The following PEX7 variants were observed in gnomAD, a reference collection of about 807,000 sequenced individuals.
PEX7 encodes the protein peroxisomal biogenesis factor 7, also known as PTS2 receptor.
In PEX7, 34 loss-of-function variants were observed where a neutral mutation model predicts 47.5. The ratio of observed to expected loss-of-function variants is 0.72; its 90% confidence interval spans 0.54 to 0.95. The LOEUF is 0.95. Ranked by LOEUF, PEX7 falls within the 40% of genes least tolerant of loss-of-function variation. The pLI is 0.00. For missense variants in PEX7, 394 were observed against 400.3 expected, an observed-to-expected ratio of 0.98 and a Z score of 0.13; for synonymous variants, 141 against 148.8, an observed-to-expected ratio of 0.95 and a Z score of 0.38.
intron 3 of PEX7, among the ~76,000 whole-genome samples, chr6:136,835,234 T>C (rs778235286): frequency 6.6e-6 from 1 of 151,902 alleles, no homozygotes; most frequent in Admixed American, 6.6e-5. Context: ...CTTAAGTCTG[T>C]GGTTCTTAAA....
rs1017140236 is a variant in PEX7 at position 136,900,349 on chromosome 6, T to A, written c.903+2108T>A. The A allele has an allele frequency of 4.9e-6, 1 of 203,626 alleles. No homozygotes were observed. Among genetic ancestry groups the A allele is most frequent in the Non-Finnish European group, 1.0e-5 (1 of 97,112 alleles). The allele number at this position is 203,626 out of a possible 1,614,324, so 12.6% of individuals were successfully genotyped here. A position where few individuals can be genotyped will look rare whatever the true frequency, so the allele number is the denominator to read the frequency against. On this transcript the variant is annotated intron_variant, in intron 9 of 9. Transcript: ENST00000318471. The surrounding 1 kb of genome is among the most constrained non-coding windows in gnomAD (Gnocchi z 4.2). ...ATAATTTGTATTATTTTAATTATTT[T>A]TATGTACAGAAAACTCAACCGTGTA... is the stretch of plus-strand genomic sequence containing the variant.
chr6:136,905,694 A>T (rs1775834632), intron 9 of PEX7, among the ~76,000 whole-genome samples: 1 of 152,144 alleles, frequency 6.6e-6, no homozygotes, highest in Middle Eastern at 3.2e-3. Flanking sequence ...TCCAATATTC[A>T]ATCTTAGCCC....
rs1582732837 is a variant in PEX7 at position 136,826,346 on chromosome 6, T to C, written c.216T>C (p.Asp72=). 4 of 1,614,124 alleles carry C rather than the reference T, an allele frequency of 2.5e-6. No individual in the cohort carries two copies. Among genetic ancestry groups the C allele is most frequent in the Non-Finnish European group, 2.5e-6 (3 of 1,180,032 alleles). The change falls in exon 3 of 10, where the codon GAT becomes GAC. Residue 72 remains aspartate (D), a synonymous_variant. Coordinates refer to ENST00000318471, the MANE Select transcript of PEX7 (RefSeq NM_000288.4). Reference sequence around the variant, plus strand: ...TTGACTGGAATGATGGTTTGTTTGATGTGACTTGGAGTGAGAACAACGAAC... The same window carrying C: ...TTGACTGGAATGATGGTTTGTTTGACGTGACTTGGAGTGAGAACAACGAAC... ...RSFDWNDGLF[D]VTWSENNEHV...
At position 136,822,936 on chromosome 6, in the gene PEX7, C is replaced by G. The variant is rs1383174816; in HGVS notation, c.130+141C>G. 3 of 1,209,026 alleles carry G rather than the reference C, an allele frequency of 2.5e-6. No individual in the cohort carries two copies. In the East Asian group the frequency reaches 1.1e-4, roughly 44 times the overall value. The allele number at this position is 1,209,026 out of a possible 1,614,324, so 74.9% of individuals were successfully genotyped here. A position where few individuals can be genotyped will look rare whatever the true frequency, so the allele number is the denominator to read the frequency against. ...TCCACGCCAGGGGGCAGAAGAGGCG[C>G]TGGTCGGCGCTTCTCCTTTCTTTGC... On this transcript the variant is annotated intron_variant, in intron 1 of 9. Coordinates refer to ENST00000318471, the MANE Select transcript of PEX7 (RefSeq NM_000288.4).
At chr6:136,892,714 G>A (rs1562754920) in intron 8 of PEX7, among the ~76,000 whole-genome samples, 1 of 152,134 alleles carries the variant, frequency 6.6e-6, no homozygotes, top group African/African-American at 2.4e-5. Context: ...ATTAAAGGAG[G>A]ATAGATTTGT....
At chr6:136,905,822 C>T (rs1775836621) in intron 9 of PEX7, among the ~76,000 whole-genome samples, 1 of 152,164 alleles carries the variant, frequency 6.6e-6, no homozygotes, top group South Asian at 2.1e-4. Context: ...GCTTTTCCTT[C>T]AGTATTCCTA....
At chr6:136,837,812 C>CCACACACACACACACA (rs34680868) in intron 3 of PEX7, among the ~76,000 whole-genome samples, 6 of 146,716 alleles carry the variant, frequency 4.1e-5, no homozygotes, top group African/African-American at 1.3e-4. Flanking sequence ...AATTTAAACG[C>CCACACACACACACACA]CACACACACA....
At chr6:136,853,587 G>T (rs1319031202) in intron 5 of PEX7, among the ~76,000 whole-genome samples, 2 of 151,962 alleles carry the variant, frequency 1.3e-5, no homozygotes, top group African/African-American at 2.4e-5. Flanking sequence ...AATTTTAAAA[G>T]TAAAAAATGA....
chr6:136,850,953 T>G (rs542983613), intron 5 of PEX7, among the ~76,000 whole-genome samples: 1 of 138,742 alleles, frequency 7.2e-6, no homozygotes, highest in Non-Finnish European at 1.5e-5. Flanking sequence ...TGTCTAAAGA[T>G]ATTTATTTCT....
chr6:136,908,250 C>T (rs983484628), intron 9 of PEX7, among the ~76,000 whole-genome samples: 2 of 152,116 alleles, frequency 1.3e-5, no homozygotes, highest in South Asian at 4.1e-4. Flanking sequence ...TGTGCTTATT[C>T]TTATAACAGA....
intron 8 of PEX7, among the ~76,000 whole-genome samples, chr6:136,880,436 C>T (rs980079073): frequency 6.6e-6 from 1 of 152,140 alleles, no homozygotes; most frequent in African/African-American, 2.4e-5. Context: ...GGTTTTAGGT[C>T]AGCGTTAGAC....
chr6:136,850,468 A>G (rs978365873), intron 5 of PEX7, among the ~76,000 whole-genome samples: 3 of 152,086 alleles, frequency 2.0e-5, no homozygotes, highest in Non-Finnish European at 2.9e-5. Context: ...GGGCTTTACA[A>G]TTTGGCATGT....
At chr6:136,827,851 T>G (rs918880761) in intron 3 of PEX7, among the ~76,000 whole-genome samples, 26 of 152,148 alleles carry the variant, frequency 1.7e-4, no homozygotes, top group East Asian at 3.9e-4. Context: ...GTGTGTGTGT[T>G]TTTTTGTTGT....
rs550741230 is a variant in PEX7 at position 136,830,171 on chromosome 6, A to G, written c.339+3702A>G. On this transcript the variant is annotated intron_variant, in intron 3 of 9. Transcript: ENST00000318471. ...TTGTGAGACCTTGCGTATGTCACAT[A>G]TTTTTCCTAAACTTGAGTGTTTTTA... The G allele has an allele frequency of 2.2e-5, 14 of 625,508 alleles. No homozygotes were observed. The South Asian group carries it at 2.6e-4, about 12-fold the overall frequency. 38.7% of individuals were successfully genotyped at this position (625,508 alleles called of 1,614,324 possible). A position where few individuals can be genotyped will look rare whatever the true frequency, so the allele number is the denominator to read the frequency against.
chr6:136,844,510 A>G (rs778949177), intron 3 of PEX7, among the ~76,000 whole-genome samples: 9 of 152,220 alleles, frequency 5.9e-5, no homozygotes, highest in Non-Finnish European at 1.3e-4. Context: ...TGAGATAAGA[A>G]CATTTCAGAT....
intron 8 of PEX7, among the ~76,000 whole-genome samples, chr6:136,896,429 C>T (rs1235636298): frequency 2.6e-5 from 4 of 152,288 alleles, no homozygotes; most frequent in Non-Finnish European, 5.9e-5. Context: ...TGTATGTTTC[C>T]TCACAGATGT....
At chr6:136,880,091 A>T (rs1582766905) in intron 8 of PEX7, among the ~76,000 whole-genome samples, 1 of 147,246 alleles carries the variant, frequency 6.8e-6, no homozygotes, top group African/African-American at 2.5e-5. Context: ...AATTTGATTC[A>T]GTTTAGAATA....
At chr6:136,894,104 G>A (rs971322962) in intron 8 of PEX7, among the ~76,000 whole-genome samples, 1 of 152,160 alleles carries the variant, frequency 6.6e-6, no homozygotes, top group Non-Finnish European at 1.5e-5. Context: ...GTGGAGTGGG[G>A]AGATTGCTTG....
rs760182861 is a variant in PEX7 at position 136,826,452 on chromosome 6, A to G, written c.322A>G (p.Lys108Glu). The change falls in exon 3 of 10, where the codon AAA becomes GAA. Residue 108 changes from lysine (K) to glutamate (E), a missense_variant. Lys to Glu is a moderately conservative substitution (Grantham distance 56). Transcript: ENST00000318471. ...AKAAGPLQVY[K>E]EHAQEVYSVD... is the part of the protein sequence containing the mutation. ...AGCTGCAGGGCCACTGCAAGTCTATAAAGAACACGCTCAGGAGGTAGGAGG... is the reference window on the plus strand; with the variant it reads ...AGCTGCAGGGCCACTGCAAGTCTATGAAGAACACGCTCAGGAGGTAGGAGG... 40 of 1,614,020 alleles carry G rather than the reference A, an allele frequency of 2.5e-5. No homozygotes were observed. The highest frequency in any genetic ancestry group is 2.6e-5 in the Non-Finnish European group (31 of 1,180,020).
Sources: gnomAD v4.1 joint callset for allele counts (sites outside exome capture counted in the v4.1 genomes callset) on GRCh38, gnomAD v4.1.1 for gene constraint, Gnocchi (gnomAD v3.1) non-coding constraint, MANE v1.5 for transcripts, NCBI Gene and HGNC (gene_info 2026-07-23, HGNC 2026-07-21) for gene names.